CYTH1: variants seen among roughly 807,000 people sequenced by gnomAD.
CYTH1 encodes cytohesin-1.
A neutral mutation model predicts 61.8 loss-of-function variants in CYTH1; 18 were observed. The observed-to-expected ratio is 0.29, with a 90% confidence interval of 0.20 to 0.43. The LOEUF (loss-of-function observed/expected upper bound fraction) is 0.43. Among genes scored for constraint, CYTH1 ranks in the 20% least tolerant of loss-of-function variants. CYTH1 has a pLI of 1.00. For synonymous variants in CYTH1, 174 were observed against 184.3 expected (o/e 0.94, Z 0.45); for missense variants, 336 against 510.5 (o/e 0.66, Z 3.29).
rs552343086 is a variant in CYTH1, at chr17:78,699,084, C to T, written c.551-116G>A. ...AATCAGGAATAAAAAACCATGTTCT[C>T]GGCCAGATGCAGTGGCTTACACCTG... On this transcript the variant is annotated intron_variant, in intron 7 of 13. Transcript: ENST00000446868. The T allele has an allele frequency of 1.0e-3, 1,367 of 1,307,098 alleles. 16 individuals are homozygous for T. The highest frequency in any genetic ancestry group is 7.4e-3 in the South Asian group (564 of 76,356). 81.0% of individuals were successfully genotyped at this position (1,307,098 alleles called of 1,614,324 possible). A position where few individuals can be genotyped will look rare whatever the true frequency, so the allele number is the denominator to read the frequency against.
chr17:78,742,492 G>A (rs2093345236), intron 1 of CYTH1, among the ~76,000 whole-genome samples: 1 of 152,122 alleles, frequency 6.6e-6, no homozygotes, highest in African/African-American at 2.4e-5. Context: ...AATCTGCAAG[G>A]TTGAAGCCAC....
Position 78,675,831 on chromosome 17 carries a change from C to T in CYTH1, c.*260G>A. 1.4e-6 allele frequency: 2 copies of T among 1,435,728 alleles called. No homozygotes were observed. Among genetic ancestry groups the T allele is most frequent in the Non-Finnish European group, 1.8e-6 (2 of 1,089,648 alleles). The allele number at this position is 1,435,728 out of a possible 1,614,324, so 88.9% of individuals were successfully genotyped here. A position where few individuals can be genotyped will look rare whatever the true frequency, so the allele number is the denominator to read the frequency against. On this transcript the variant is annotated 3_prime_UTR_variant, in exon 14 of 14. Coordinates refer to ENST00000446868, the MANE Select transcript of CYTH1 (RefSeq NM_004762.6). ...GCAGAGAAACTGGCCAGGAGGCTGC[C>T]CTGCCGACAAGAGCTCTGCCCTGTG...
intron 11 of CYTH1, among the ~76,000 whole-genome samples, chr17:78,683,113 A>G (rs1275295423): frequency 1.3e-5 from 2 of 151,964 alleles, no homozygotes; most frequent in African/African-American, 4.8e-5. Flanking sequence ...CACTTCTACC[A>G]TGCTTTGAAT....
chr17:78,688,989 G>T (rs564650705), intron 11 of CYTH1, among the ~76,000 whole-genome samples: 7 of 152,156 alleles, frequency 4.6e-5, no homozygotes, highest in Admixed American at 4.6e-4. Flanking sequence ...CTCCAGTGAC[G>T]TTTGGTTTTT....
intron 1 of CYTH1, among the ~76,000 whole-genome samples, chr17:78,756,073 ATT>A (rs1169112425): frequency 1.9e-4 from 22 of 118,620 alleles, no homozygotes; most frequent in East Asian, 5.7e-4. Context: ...TTATTTATTT[ATT>A]TTTATTTTTT....
rs573806562 is a variant in CYTH1, at chr17:78,727,784, T to C, written c.23-18052A>G. On this transcript the variant is annotated intron_variant, in intron 1 of 13. Coordinates refer to ENST00000446868, the MANE Select transcript of CYTH1 (RefSeq NM_004762.6). ...TCTGTCTTGGCTGCTCTCATGAGGC[T>C]GCTCTTGGACCGTCCCCTATCTCCT... The C allele has an allele frequency of 8.6e-6, 4 of 467,338 alleles. No homozygotes were observed. In the East Asian group the frequency reaches 2.8e-4, roughly 33 times the overall value. 28.9% of individuals were successfully genotyped at this position (467,338 alleles called of 1,614,324 possible).
intron 1 of CYTH1, among the ~76,000 whole-genome samples, chr17:78,767,056 C>G (rs1285847583): frequency 6.6e-6 from 1 of 152,192 alleles, no homozygotes; most frequent in African/African-American, 2.4e-5. Context: ...CAGCAATGAA[C>G]TTCATGTGCA....
chr17:78,757,635 A>T (rs1296247337), intron 1 of CYTH1, among the ~76,000 whole-genome samples: 1 of 152,136 alleles, frequency 6.6e-6, no homozygotes, highest in Non-Finnish European at 1.5e-5. Flanking sequence ...AACCCAAAAG[A>T]TTAAAAAAAT....
Position 78,679,530 on chromosome 17 carries a change from G to A in CYTH1, c.1118+660C>T, listed in dbSNP as rs2092735678. 2.0e-5 allele frequency among the ~76,000 whole-genome samples: 3 copies of A among 152,338 alleles called. No homozygotes were observed. The South Asian group carries it at 6.2e-4, about 32-fold the overall frequency. ...AGTCCCAGGGAAGAACATTAAGCAA[G>A]AGAAGCCAACTGACTTTAGAAAGCC... On this transcript the variant is annotated intron_variant, in intron 13 of 13. Transcript: ENST00000446868.
chr17:78,706,438 G>A (rs1005916384), intron 3 of CYTH1, among the ~76,000 whole-genome samples: 1 of 152,172 alleles, frequency 6.6e-6, no homozygotes, highest in Non-Finnish European at 1.5e-5. Flanking sequence ...CACAATGTTC[G>A]TGAGATTCAT....
intron 1 of CYTH1, among the ~76,000 whole-genome samples, chr17:78,778,693 T>G (rs1326180341): frequency 2.7e-5 from 4 of 148,434 alleles, no homozygotes; most frequent in Non-Finnish European, 4.5e-5. Flanking sequence ...CCTGGCACAG[T>G]GACTCAACCC....
At chr17:78,772,796 A>T (rs561826542) in intron 1 of CYTH1, among the ~76,000 whole-genome samples, 1 of 151,926 alleles carries the variant, frequency 6.6e-6, no homozygotes, top group Non-Finnish European at 1.5e-5. Flanking sequence ...TTGGCCTCCC[A>T]AAGTGTTGGG....
intron 1 of CYTH1, among the ~76,000 whole-genome samples, chr17:78,726,210 A>AT (rs1356643911): frequency 2.6e-5 from 4 of 151,610 alleles, no homozygotes; most frequent in Non-Finnish European, 4.4e-5. Context: ...CGCCTGGCTA[A>AT]TTTTTTTGTA....
intron 1 of CYTH1, among the ~76,000 whole-genome samples, chr17:78,738,653 G>C (rs2093330724): frequency 6.6e-6 from 1 of 151,712 alleles, no homozygotes; most frequent in African/African-American, 2.4e-5. Context: ...TTGTTTTGTA[G>C]AGGCAATTAA....
chr17:78,779,452 T>C (rs972820891), intron 1 of CYTH1, among the ~76,000 whole-genome samples: 2 of 151,524 alleles, frequency 1.3e-5, no homozygotes, highest in African/African-American at 4.8e-5. Flanking sequence ...TTACAAACTT[T>C]CTCATCTTCG....
At chr17:78,782,141 C>T (rs2093521452) in intron 1 of CYTH1, 61 bp downstream of exon 1, 1 of 1,251,780 alleles carries the variant, frequency 8.0e-7, no homozygotes. Context: ...GCCGGACGGC[C>T]GGGCCCGGAG....
intron 1 of CYTH1, among the ~76,000 whole-genome samples, chr17:78,737,713 A>AT (rs1469120945): frequency 2.0e-5 from 3 of 152,122 alleles, no homozygotes; most frequent in African/African-American, 7.2e-5. Flanking sequence ...CAGTCCTATC[A>AT]TGTTCATGAC....
intron 1 of CYTH1, among the ~76,000 whole-genome samples, chr17:78,776,773 T>C (rs2093493036): frequency 6.6e-6 from 1 of 151,552 alleles, no homozygotes; most frequent in Non-Finnish European, 1.5e-5. Context: ...TTTTCTTAAG[T>C]TAATGGTTTG....
At chr17:78,712,098 AAGGAAGGAAGGAAGGG>A (rs1194022072) in intron 1 of CYTH1, among the ~76,000 whole-genome samples, 4 of 136,232 alleles carry the variant, frequency 2.9e-5, no homozygotes, top group African/African-American at 8.1e-5. Flanking sequence ...AGAAGGAAAG[AAGGAAGGAAGGAAGGG>A]AGGAAGGAAG....
Sources: gnomAD v4.1 joint callset for allele counts (sites outside exome capture counted in the v4.1 genomes callset) on GRCh38, gnomAD v4.1.1 for gene constraint, MANE v1.5 for transcripts, NCBI Gene and HGNC (gene_info 2026-07-23, HGNC 2026-07-21) for gene names.